The following NTN4 variants were observed in gnomAD, a reference collection of about 807,000 sequenced individuals.
NTN4 encodes netrin 4.
NTN4 carries 32 observed loss-of-function variants against 73.6 expected under a neutral mutation model. That is an observed-to-expected ratio of 0.44 (90% confidence interval 0.33 to 0.58). The LOEUF (loss-of-function observed/expected upper bound fraction) is 0.58, where lower values mean the gene tolerates loss of function less well. Among genes scored for constraint, NTN4 ranks in the 20% least tolerant of loss-of-function variants. The pLI is 0.04. For synonymous variants in NTN4, 258 were observed against 287.5 expected, an observed-to-expected ratio of 0.90 and a Z score of 1.04; for missense variants, 654 against 798.3, an observed-to-expected ratio of 0.82 and a Z score of 2.18.
intron 3 of NTN4, among the ~76,000 whole-genome samples, chr12:95,732,819 C>G (rs1053444948): frequency 1.3e-5 from 2 of 152,160 alleles, no homozygotes; most frequent in Non-Finnish European, 2.9e-5. Context: ...TAAAACATGA[C>G]ATATGATATA....
intron 3 of NTN4, among the ~76,000 whole-genome samples, chr12:95,715,674 A>G (rs917531668): frequency 6.6e-6 from 1 of 151,956 alleles, no homozygotes; most frequent in Admixed American, 6.5e-5. Context: ...CTCTATAAAA[A>G]TGAGATTTTT....
chr12:95,790,422 T>TTCC lies in NTN4; in HGVS notation c.-116_-114dup. ...CGGGAGGGAACGGGGCCCTGGTTTCTTCCTCCTCCTGGGGCGCCGGGCTCG... is the reference window on the plus strand; with the variant it reads ...CGGGAGGGAACGGGGCCCTGGTTTCTTCCTCCTCCTCCTGGGGCGCCGGGCTCG... On this transcript the variant is annotated 5_prime_UTR_variant, in exon 1 of 10. Transcript: ENST00000343702. This position sits in a 1 kb window ranked among gnomAD's most constrained non-coding sequence, Gnocchi z 6.5. 1.8e-5 allele frequency: 16 copies of TTCC among 897,106 alleles called. 1 individual carries two copies. In the South Asian group the frequency reaches 3.5e-4, roughly 19 times the overall value. The allele number at this position is 897,106 out of a possible 1,614,324, so 55.6% of individuals were successfully genotyped here.
At chr12:95,768,076 TAAC>T (rs1019027742) in intron 2 of NTN4, among the ~76,000 whole-genome samples, 4 of 152,158 alleles carry the variant, frequency 2.6e-5, no homozygotes, top group African/African-American at 7.2e-5. Flanking sequence ...TCAGTAACAA[TAAC>T]AACAATAGTG....
chr12:95,775,226 C>T (rs1057429480), intron 2 of NTN4, among the ~76,000 whole-genome samples: 2 of 152,168 alleles, frequency 1.3e-5, no homozygotes, highest in Non-Finnish European at 2.9e-5. Flanking sequence ...TGAATAGGAA[C>T]AGCTCCAGTC....
chr12:95,670,913 T>A (rs1478960878), intron 7 of NTN4: 1 of 151,230 alleles, frequency 6.6e-6, no homozygotes, highest in Admixed American at 6.6e-5. Context: ...TGCCAGGCCC[T>A]ATGGAAGACT....
At chr12:95,732,087 C>T (rs1475769205) in intron 3 of NTN4, among the ~76,000 whole-genome samples, 4 of 152,156 alleles carry the variant, frequency 2.6e-5, no homozygotes, top group African/African-American at 9.7e-5. Context: ...TCCAAACATA[C>T]ATGCATGTTT....
At chr12:95,752,036 G>A (rs1292875350) in intron 2 of NTN4, among the ~76,000 whole-genome samples, 3 of 150,794 alleles carry the variant, frequency 2.0e-5, no homozygotes, top group Admixed American at 6.6e-5. Context: ...CTTCCTTTGC[G>A]TCCTCCTCTT....
intron 7 of NTN4, among the ~76,000 whole-genome samples, chr12:95,678,271 G>GTGC (rs1356010682): frequency 1.3e-5 from 2 of 150,210 alleles, no homozygotes; most frequent in Non-Finnish European, 2.9e-5. Flanking sequence ...GGGTTGATAG[G>GTGC]TGCAGCAAAC....
chr12:95,694,082 T>TC (rs138778479), intron 5 of NTN4, among the ~76,000 whole-genome samples: 29,502 of 152,174 alleles, frequency 0.19, 3,439 homozygotes, highest in Non-Finnish European at 0.26. Context: ...TGATCTGTGA[T>TC]CTTAAGCTCA....
chr12:95,670,959 T>TGTATGTAC (rs2078223588), intron 7 of NTN4: 2 of 150,084 alleles, frequency 1.3e-5, no homozygotes, highest in Non-Finnish European at 3.0e-5. Flanking sequence ...ATTTTATGTA[T>TGTATGTAC]GTATGTATGT....
chr12:95,662,248 T>TC (rs1284904169), intron 9 of NTN4, among the ~76,000 whole-genome samples: 2 of 148,692 alleles, frequency 1.3e-5, no homozygotes, highest in African/African-American at 4.9e-5. Flanking sequence ...TTTTTTTTTT[T>TC]TTGACAGGGT....
At chr12:95,710,707 A>C in intron 4 of NTN4, 78 bp from the exon 5 acceptor site, 1 of 1,407,380 alleles carries the variant, frequency 7.1e-7, no homozygotes, top group Non-Finnish European at 9.7e-7. Flanking sequence ...AGATAGGTAA[A>C]AATAGGATGA....
At chr12:95,704,003 C>T (rs1374095948) in intron 5 of NTN4, among the ~76,000 whole-genome samples, 2 of 152,156 alleles carry the variant, frequency 1.3e-5, no homozygotes, top group African/African-American at 4.8e-5. Flanking sequence ...TCCTAACTCA[C>T]TGCAGCCTCG....
At chr12:95,686,910 T>C (rs1047868113) in intron 5 of NTN4, among the ~76,000 whole-genome samples, 16 of 152,330 alleles carry the variant, frequency 1.1e-4, no homozygotes, top group Admixed American at 2.6e-4. Flanking sequence ...CAGTTGACCG[T>C]CTTAGCTATT....
At chr12:95,772,050 GT>G (rs1373663959) in intron 2 of NTN4, among the ~76,000 whole-genome samples, 1 of 152,004 alleles carries the variant, frequency 6.6e-6, no homozygotes, top group Non-Finnish European at 1.5e-5. Flanking sequence ...TTTCTTTCTT[GT>G]TTTTTGAGAC....
At chr12:95,691,456 C>T (rs1366601248) in intron 5 of NTN4, among the ~76,000 whole-genome samples, 2 of 152,272 alleles carry the variant, frequency 1.3e-5, no homozygotes, top group East Asian at 1.9e-4. Flanking sequence ...AGTGCAGTGG[C>T]GTAATCTTGG....
At position 95,759,494 on chromosome 12, in the gene NTN4, T is replaced by G. The variant is rs531205328; in HGVS notation, c.586-21350A>C. On this transcript the variant is annotated intron_variant, in intron 2 of 9. Transcript: ENST00000343702. ...GTCAGTCCCTAGTAGTATTTTTGTT[T>G]TTTTTTTTTTTTGAGATGGGGTCTT... Among the ~76,000 whole-genome samples, 3 of 150,736 alleles carry G rather than the reference T, an allele frequency of 2.0e-5. No individual in the cohort carries two copies. The South Asian group carries it at 6.3e-4, about 32-fold the overall frequency.
At chr12:95,732,220 T>G (rs2078742301) in intron 3 of NTN4, among the ~76,000 whole-genome samples, 1 of 144,768 alleles carries the variant, frequency 6.9e-6, no homozygotes. Context: ...TTCTCTCCCT[T>G]TCTCTCTTTC....
rs925228629 is a variant in NTN4, at chr12:95,670,120, A to C, written c.1537T>G (p.Leu513Val). 6.3e-7 allele frequency: 1 copy of C among 1,598,680 alleles called. No individual in the cohort carries two copies. Among genetic ancestry groups the C allele is most frequent in the Non-Finnish European group, 8.5e-7 (1 of 1,170,904 alleles). ...CCACAGAATGCCTTGGCATTTCCTA[A>C]TGTCTGTTCCTTACATTCGCATTTA... is the stretch of plus-strand genomic sequence containing the variant. ...SGKCECKEQT[L>V]GNAKAFCGMK... The change falls in exon 8 of 10, where the codon TTA becomes GTA. Residue 513 changes from leucine to valine, a missense_variant. Coordinates refer to ENST00000343702, the MANE Select transcript of NTN4 (RefSeq NM_021229.4).
Sources: gnomAD v4.1 joint callset for allele counts (sites outside exome capture counted in the v4.1 genomes callset) on GRCh38, gnomAD v4.1.1 for gene constraint, Gnocchi (gnomAD v3.1) non-coding constraint, MANE v1.5 for transcripts, NCBI Gene and HGNC (gene_info 2026-07-23, HGNC 2026-07-21) for gene names.